CASS4: variants seen among roughly 807,000 people sequenced by gnomAD.
The protein encoded by CASS4 is cas scaffolding protein family member 4.
In CASS4, 22 loss-of-function variants were observed where a neutral mutation model predicts 54.2. The ratio of observed to expected loss-of-function variants is 0.41; its 90% confidence interval spans 0.29 to 0.58. The LOEUF (loss-of-function observed/expected upper bound fraction) is 0.58, where lower values mean the gene tolerates loss of function less well. Among genes scored for constraint, CASS4 ranks in the 20% least tolerant of loss-of-function variants. The probability of loss-of-function intolerance (pLI) is 0.36; values close to 1 mark genes in which losing one functional copy is unlikely to be tolerated. For missense variants in CASS4, 854 were observed against 986.7 expected, an observed-to-expected ratio of 0.87 and a Z score of 1.80; for synonymous variants, 409 against 391.5, an observed-to-expected ratio of 1.04 and a Z score of -0.53.
At chr20:56,446,083 T>G in intron 3 of CASS4, 82 bp downstream of exon 3, 1 of 911,718 alleles carries the variant, frequency 1.1e-6, no homozygotes, top group Non-Finnish European at 1.7e-6. Context: ...CCACATTGCA[T>G]TTCAGCATTA....
At position 56,412,789 on chromosome 20, in the gene CASS4, G is replaced by A. The variant is rs1453356767; in HGVS notation, c.36+295G>A. Among the ~76,000 whole-genome samples, 1 of 152,166 alleles carries A rather than the reference G, an allele frequency of 6.6e-6. No homozygotes were observed. Among genetic ancestry groups the A allele is most frequent in the African/African-American group, 2.4e-5 (1 of 41,444 alleles). On this transcript the variant is annotated intron_variant, in intron 1 of 5. Transcript: ENST00000679887. This position sits in a 1 kb window ranked among gnomAD's most constrained non-coding sequence, Gnocchi z 4.2. ...AGCAAACTCCTGAAGCAAGATGCGA[G>A]TCTGCCTCAGCCCCCGCTAATTCCT...
chr20:56,451,983 C>CCA lies in CASS4; in HGVS notation c.809_810dup (p.Ala271ThrfsTer25). On this transcript the variant is annotated frameshift_variant, in exon 5 of 6. Coordinates refer to ENST00000679887, the MANE Select transcript of CASS4 (RefSeq NM_020356.4). LOFTEE classifies it high-confidence loss of function. ...CCAGCTTTGCGGAAGAATCAAGGCC[C>CCA]CACGCTCTCCCCAGTTCCAGCTCCA... 6.2e-7 allele frequency: 1 copy of CCA among 1,614,180 alleles called. No homozygotes were observed. The highest frequency in any genetic ancestry group is 8.5e-7 in the Non-Finnish European group (1 of 1,180,026).
At chr20:56,418,150 G>A (rs1008048699) in intron 1 of CASS4, among the ~76,000 whole-genome samples, 5 of 152,184 alleles carry the variant, frequency 3.3e-5, no homozygotes, top group African/African-American at 1.2e-4. Context: ...GTTTCAGGTG[G>A]TGAGAACTGC....
chr20:56,437,727 G>C lies in CASS4; in HGVS notation c.459+141G>C, dbSNP rs1236428946. On this transcript the variant is annotated intron_variant, in intron 2 of 5. Coordinates refer to ENST00000679887, the MANE Select transcript of CASS4 (RefSeq NM_020356.4). The surrounding 1 kb of genome is among the most constrained non-coding windows in gnomAD (Gnocchi z 4.7). ...GATTGCTGGCAATCACGCTCGGGGA[G>C]CTTGTGTGCCAGGTTGGGATGGAGA... 1 of 769,440 alleles carries C rather than the reference G, an allele frequency of 1.3e-6. No individual in the cohort carries two copies. Among genetic ancestry groups the C allele is most frequent in the Non-Finnish European group, 2.0e-6 (1 of 510,678 alleles). 47.7% of individuals were successfully genotyped at this position (769,440 alleles called of 1,614,324 possible). A position where few individuals can be genotyped will look rare whatever the true frequency, so the allele number is the denominator to read the frequency against.
chr20:56,459,051 A>G lies in CASS4; in HGVS notation c.*304A>G. ...TATTTTATATTGATTAAATGTGTGC[A>G]TGTTTTGTTTGTTTTTTGAGACAAA... On this transcript the variant is annotated 3_prime_UTR_variant, in exon 6 of 6. Coordinates refer to ENST00000679887, the MANE Select transcript of CASS4 (RefSeq NM_020356.4). 1 of 280,314 alleles carries G rather than the reference A, an allele frequency of 3.6e-6. No homozygotes were observed. The highest frequency in any genetic ancestry group is 6.7e-6 in the Non-Finnish European group (1 of 148,326). The allele number at this position is 280,314 out of a possible 1,614,324, so 17.4% of individuals were successfully genotyped here. A position where few individuals can be genotyped will look rare whatever the true frequency, so the allele number is the denominator to read the frequency against.
Position 56,437,133 on chromosome 20 carries a change from G to C in CASS4, c.37-31G>C. 3 of 1,515,206 alleles carry C rather than the reference G, an allele frequency of 2.0e-6. No homozygotes were observed. Among genetic ancestry groups the C allele is most frequent in the Non-Finnish European group, 2.7e-6 (3 of 1,129,636 alleles). The allele number at this position is 1,515,206 out of a possible 1,614,324, so 93.9% of individuals were successfully genotyped here. On this transcript the variant is annotated intron_variant, in intron 1 of 5. Coordinates refer to ENST00000679887, the MANE Select transcript of CASS4 (RefSeq NM_020356.4). This position sits in a 1 kb window ranked among gnomAD's most constrained non-coding sequence, Gnocchi z 4.7. ...GCAGTCACTGGCCACGGTGCTAACT[G>C]CAAATTCTCTTCTCCCCTCTCCACC... is the stretch of plus-strand genomic sequence containing the variant.
chr20:56,412,914 C>T lies in CASS4; in HGVS notation c.36+420C>T, dbSNP rs1326984155. Among the ~76,000 whole-genome samples, 1 of 152,206 alleles carries T rather than the reference C, an allele frequency of 6.6e-6. No homozygotes were observed. The highest frequency in any genetic ancestry group is 1.5e-5 in the Non-Finnish European group (1 of 68,038). On this transcript the variant is annotated intron_variant, in intron 1 of 5. Transcript: ENST00000679887. The surrounding 1 kb of genome is among the most constrained non-coding windows in gnomAD (Gnocchi z 4.2). ...GCAGAGCCCAGACCCTTGCCTGCAG[C>T]CTCCCGTGCTGAGCCCACAGTGGGC...
chr20:56,440,516 G>A (rs1334286371), intron 2 of CASS4, among the ~76,000 whole-genome samples: 1 of 152,162 alleles, frequency 6.6e-6, no homozygotes, highest in Non-Finnish European at 1.5e-5. Flanking sequence ...TGGCAAGGCT[G>A]GCACCTCCTC....
chr20:56,437,458 C>T lies in CASS4; in HGVS notation c.331C>T (p.Pro111Ser), dbSNP rs537886051. The stretch of plus-strand genomic sequence containing the variant: ...TCTACCCCGCCCTCCCACTCCAGGC[C>T]CCGTTTATGAGCAGATGAGGAGTTG... Reference protein sequence around the residue: ...PTLPRPPTPGPVYEQMRSWAE... With the variant: ...PTLPRPPTPGSVYEQMRSWAE... The change falls in exon 2 of 6, where the codon CCC becomes TCC. Residue 111 changes from proline to serine, a missense_variant. Pro to Ser is a moderately conservative substitution (Grantham distance 74). Transcript: ENST00000679887. This position sits in a 1 kb window ranked among gnomAD's most constrained non-coding sequence, Gnocchi z 4.7. The T allele has an allele frequency of 1.9e-6, 3 of 1,613,834 alleles. No individual in the cohort carries two copies. In the African/African-American group the frequency reaches 4.0e-5, roughly 22 times the overall value.
rs1243482974 is a variant in CASS4, at chr20:56,437,967, C to T, written c.459+381C>T. Among the ~76,000 whole-genome samples, 1 of 152,050 alleles carries T rather than the reference C, an allele frequency of 6.6e-6. No homozygotes were observed. The highest frequency in any genetic ancestry group is 1.9e-4 in the East Asian group (1 of 5,182). On this transcript the variant is annotated intron_variant, in intron 2 of 5. Coordinates refer to ENST00000679887, the MANE Select transcript of CASS4 (RefSeq NM_020356.4). This position sits in a 1 kb window ranked among gnomAD's most constrained non-coding sequence, Gnocchi z 4.7. The stretch of plus-strand genomic sequence containing the variant: ...GGTGGGGTTTCCATGGGTTCAGAGG[C>T]AAGAAGTTACACATCGCATTTAAAA...
At chr20:56,433,530 A>T (rs1197886991) in intron 1 of CASS4, among the ~76,000 whole-genome samples, 1 of 152,170 alleles carries the variant, frequency 6.6e-6, no homozygotes, top group East Asian at 1.9e-4. Flanking sequence ...GAGTGGCATG[A>T]TCAAAATTTG....
intron 5 of CASS4, among the ~76,000 whole-genome samples, chr20:56,457,189 G>GA (rs1255579285): frequency 2.0e-5 from 3 of 152,116 alleles, no homozygotes; most frequent in Non-Finnish European, 4.4e-5. Context: ...ACCCCCTTCT[G>GA]AAAAAATCAG....
At chr20:56,456,627 A>G (rs1981310507) in intron 5 of CASS4, among the ~76,000 whole-genome samples, 1 of 151,990 alleles carries the variant, frequency 6.6e-6, no homozygotes, top group Non-Finnish European at 1.5e-5. Flanking sequence ...CTCCTGCCTC[A>G]GCCTCCCAAA....
At chr20:56,440,882 A>G (rs1289012051) in intron 2 of CASS4, among the ~76,000 whole-genome samples, 1 of 152,006 alleles carries the variant, frequency 6.6e-6, no homozygotes, top group African/African-American at 2.4e-5. Context: ...CCCCCAGGGG[A>G]ATTTCCTGCC....
intron 2 of CASS4, among the ~76,000 whole-genome samples, chr20:56,439,940 A>C (rs1385223992): frequency 6.6e-6 from 1 of 152,222 alleles, no homozygotes; most frequent in East Asian, 1.9e-4. Flanking sequence ...GTGCAGGGAA[A>C]GGCCAAGCTC....
chr20:56,435,800 G>A (rs1421993779), intron 1 of CASS4, among the ~76,000 whole-genome samples: 1 of 152,168 alleles, frequency 6.6e-6, no homozygotes, highest in African/African-American at 2.4e-5. Flanking sequence ...GCCCAGGCTG[G>A]AGTGCAGTGG....
intron 1 of CASS4, among the ~76,000 whole-genome samples, chr20:56,435,280 TG>T (rs60006115): frequency 0.034 from 5,054 of 150,684 alleles, 285 homozygotes; most frequent in African/African-American, 0.12. Flanking sequence ...ACAAACATAA[TG>T]GAAGAGTTGG....
At chr20:56,450,006 G>T (rs1980915869) in intron 3 of CASS4, among the ~76,000 whole-genome samples, 1 of 149,756 alleles carries the variant, frequency 6.7e-6, no homozygotes, top group East Asian at 2.0e-4. Flanking sequence ...TCTCTTGTTT[G>T]CCCCCCAACC....
rs1254032342 is a variant in CASS4, at chr20:56,437,452, C to T, written c.325C>T (p.Pro109Ser). The change falls in exon 2 of 6, where the codon CCA becomes TCA. Residue 109 changes from proline to serine, a missense_variant. Coordinates refer to ENST00000679887, the MANE Select transcript of CASS4 (RefSeq NM_020356.4). This position sits in a 1 kb window ranked among gnomAD's most constrained non-coding sequence, Gnocchi z 4.7. ...QVPTLPRPPT[P>S]GPVYEQMRSW... ...GCCCACTCTACCCCGCCCTCCCACT[C>T]CAGGCCCCGTTTATGAGCAGATGAG... 7 of 1,613,742 alleles carry T rather than the reference C, an allele frequency of 4.3e-6. No individual in the cohort carries two copies. The highest frequency in any genetic ancestry group is 3.3e-5 in the Admixed American group (2 of 59,968).
Sources: allele counts gnomAD v4.1 joint callset (sites outside exome capture counted in the v4.1 genomes callset), GRCh38; gene constraint gnomAD v4.1.1; non-coding constraint Gnocchi (gnomAD v3.1); transcripts MANE v1.5; gene names NCBI Gene and HGNC (gene_info 2026-07-23, HGNC 2026-07-21).